The following ANKS1B variants were observed in gnomAD, a reference collection of about 807,000 sequenced individuals.
The protein encoded by ANKS1B is ankyrin repeat and sterile alpha motif domain-containing protein 1B.
Under a neutral mutation model 148.3 loss-of-function variants are expected in ANKS1B, and 36 were observed. That is an observed-to-expected ratio of 0.24 (90% CI 0.19 to 0.32). The LOEUF (loss-of-function observed/expected upper bound fraction) is 0.32. Ranked by LOEUF, ANKS1B falls within the 10% of genes least tolerant of loss-of-function variation. The probability of loss-of-function intolerance (pLI) is 1.00; values close to 1 mark genes in which losing one functional copy is unlikely to be tolerated. For synonymous variants in ANKS1B, 542 were observed against 560.8 expected, an observed-to-expected ratio of 0.97 and a Z score of 0.47; for missense variants, 1,157 against 1,542.6, an observed-to-expected ratio of 0.75 and a Z score of 4.19.
chr12:99,372,590 G>A (rs2093197274), intron 12 of ANKS1B, among the ~76,000 whole-genome samples: 1 of 151,992 alleles, frequency 6.6e-6, no homozygotes, highest in Non-Finnish European at 1.5e-5. Flanking sequence ...TCCTAAACAA[G>A]ACTGTTAAAT....
At chr12:99,368,232 G>A (rs989600435) in intron 12 of ANKS1B, among the ~76,000 whole-genome samples, 3 of 152,104 alleles carry the variant, frequency 2.0e-5, no homozygotes, top group African/African-American at 7.2e-5. Flanking sequence ...ACTAGAGGAG[G>A]AGGGTGGAAG....
chr12:99,066,307 C>G (rs1389699419), intron 16 of ANKS1B, among the ~76,000 whole-genome samples: 1 of 151,834 alleles, frequency 6.6e-6, no homozygotes, highest in African/African-American at 2.4e-5. Flanking sequence ...GGTGACAAAG[C>G]AAAACTCTGT....
At chr12:99,327,169 T>TA (rs2086515249) in intron 12 of ANKS1B, among the ~76,000 whole-genome samples, 1 of 119,720 alleles carries the variant, frequency 8.4e-6, no homozygotes, top group South Asian at 2.2e-4. Context: ...TAATATATAA[T>TA]TATATTATAT....
chr12:99,836,214 CAT>C (rs1342074679), intron 1 of ANKS1B, among the ~76,000 whole-genome samples: 1 of 152,164 alleles, frequency 6.6e-6, no homozygotes, highest in Non-Finnish European at 1.5e-5. Context: ...CATACAGACA[CAT>C]ACACACACAC....
intron 9 of ANKS1B, among the ~76,000 whole-genome samples, chr12:99,513,633 G>A (rs988791546): frequency 2.6e-4 from 40 of 152,064 alleles, no homozygotes; most frequent in African/African-American, 9.4e-4. Flanking sequence ...AAGAACCTGG[G>A]ATATGGTTCA....
At chr12:99,706,231 C>A (rs1245978982) in intron 8 of ANKS1B, among the ~76,000 whole-genome samples, 1 of 151,456 alleles carries the variant, frequency 6.6e-6, no homozygotes, top group Non-Finnish European at 1.5e-5. Flanking sequence ...TAAAAAGGAG[C>A]AAAACAAATA....
chr12:99,253,561 G>A (rs944949545), intron 12 of ANKS1B, among the ~76,000 whole-genome samples: 1 of 152,054 alleles, frequency 6.6e-6, no homozygotes, highest in African/African-American at 2.4e-5. Flanking sequence ...AACAAAAAAG[G>A]ATTTAGATAG....
intron 17 of ANKS1B, among the ~76,000 whole-genome samples, chr12:98,892,398 C>T (rs979386474): frequency 6.6e-6 from 1 of 152,114 alleles, no homozygotes; most frequent in African/African-American, 2.4e-5. Context: ...ACATCATAAA[C>T]GATTATTAGG....
At chr12:99,510,823 T>C (rs926933486) in intron 9 of ANKS1B, among the ~76,000 whole-genome samples, 2 of 151,998 alleles carry the variant, frequency 1.3e-5, no homozygotes, top group Non-Finnish European at 2.9e-5. Flanking sequence ...ACTCAAATAA[T>C]TCAGCAAAAC....
At chr12:99,877,678 T>C (rs557680273) in intron 1 of ANKS1B, among the ~76,000 whole-genome samples, 12 of 152,352 alleles carry the variant, frequency 7.9e-5, no homozygotes, top group Non-Finnish European at 1.6e-4. Flanking sequence ...TAGCGTTGAT[T>C]TGTGGGGCTT....
At chr12:99,184,542 C>T (rs1310611828) in intron 14 of ANKS1B, among the ~76,000 whole-genome samples, 3 of 152,180 alleles carry the variant, frequency 2.0e-5, no homozygotes, top group Non-Finnish European at 4.4e-5. Context: ...CCTTAGCTAT[C>T]TTGTCTATCT....
intron 17 of ANKS1B, among the ~76,000 whole-genome samples, chr12:99,014,623 T>A (rs987936532): frequency 6.6e-6 from 1 of 152,196 alleles, no homozygotes; most frequent in Non-Finnish European, 1.5e-5. Context: ...AAAGTATGCA[T>A]CTGACAAACG....
At chr12:99,345,990 AT>A (rs1298829749) in intron 12 of ANKS1B, among the ~76,000 whole-genome samples, 1 of 151,992 alleles carries the variant, frequency 6.6e-6, no homozygotes, top group Non-Finnish European at 1.5e-5. Flanking sequence ...GGTTTGTAAA[AT>A]TGGGCTACTG....
chr12:99,135,989 G>T (rs775080323), intron 15 of ANKS1B, among the ~76,000 whole-genome samples: 37 of 152,078 alleles, frequency 2.4e-4, no homozygotes, highest in Non-Finnish European at 3.8e-4. Flanking sequence ...ATGTAGATCA[G>T]AAAAACAGAT....
At chr12:99,158,859 T>C (rs1208606232) in intron 14 of ANKS1B, among the ~76,000 whole-genome samples, 2 of 152,158 alleles carry the variant, frequency 1.3e-5, no homozygotes, top group South Asian at 4.1e-4. Flanking sequence ...CCAAGCGGCA[T>C]GGGATCTCAT....
At chr12:99,038,361 C>T (rs1014033308) in intron 17 of ANKS1B, among the ~76,000 whole-genome samples, 1 of 152,160 alleles carries the variant, frequency 6.6e-6, no homozygotes, top group Non-Finnish European at 1.5e-5. Flanking sequence ...ATCAATATCA[C>T]ATTCATCATC....
At chr12:98,777,676 G>T (rs1312219837) in intron 24 of ANKS1B, among the ~76,000 whole-genome samples, 2 of 152,214 alleles carry the variant, frequency 1.3e-5, no homozygotes, top group Admixed American at 1.3e-4. Context: ...ATCGCTTTCT[G>T]CTTCCTCCTT....
intron 9 of ANKS1B, among the ~76,000 whole-genome samples, chr12:99,578,477 C>T (rs1162168914): frequency 6.6e-6 from 1 of 152,068 alleles, no homozygotes; most frequent in African/African-American, 2.4e-5. Flanking sequence ...TGCCCAAAAG[C>T]TCCTAGAATA....
chr12:99,610,650 C>T (rs7964332), intron 9 of ANKS1B, among the ~76,000 whole-genome samples: 31,551 of 151,884 alleles, frequency 0.21, 3,751 homozygotes, highest in Non-Finnish European at 0.27. Flanking sequence ...TCAAAGTATT[C>T]GCTTCAGTCC....
Sources: allele counts gnomAD v4.1 joint callset (sites outside exome capture counted in the v4.1 genomes callset), GRCh38; gene constraint gnomAD v4.1.1; transcripts MANE v1.5; gene names NCBI Gene and HGNC (gene_info 2026-07-23, HGNC 2026-07-21).